The following CGGBP1 variants were observed in gnomAD, a reference collection of about 807,000 sequenced individuals.
CGGBP1 encodes the protein CGG triplet repeat binding protein 1, also known as CGG triplet repeat-binding protein 1.
Under a neutral mutation model 11.4 loss-of-function variants are expected in CGGBP1, and 4 were observed. The observed-to-expected ratio is 0.35, with a 90% CI of 0.17 to 0.80. CGGBP1 has a LOEUF of 0.80. Among genes scored for constraint, CGGBP1 ranks in the 30% least tolerant of loss-of-function variants. The pLI is 0.52. For missense variants in CGGBP1, 135 were observed against 202.1 expected, an observed-to-expected ratio of 0.67 and a Z score of 2.01; for synonymous variants, 76 against 74.1, an observed-to-expected ratio of 1.03 and a Z score of -0.13.
At chr3:88,145,274 G>A (rs1468186592) in intron 1 of CGGBP1, among the ~76,000 whole-genome samples, 1 of 152,038 alleles carries the variant, frequency 6.6e-6, no homozygotes, top group Non-Finnish European at 1.5e-5. Flanking sequence ...TGGAAAAAAT[G>A]GGGCTTTAAG....
At chr3:88,084,387 A>G (rs1472052612) in intron 2 of CGGBP1, among the ~76,000 whole-genome samples, 1 of 152,190 alleles carries the variant, frequency 6.6e-6, no homozygotes, top group East Asian at 1.9e-4. Flanking sequence ...AACCAGAGAA[A>G]GGCAATAAAG....
chr3:88,066,587 A>AC (rs200567944), intron 2 of CGGBP1, among the ~76,000 whole-genome samples: 180 of 151,386 alleles, frequency 1.2e-3, no homozygotes, highest in South Asian at 2.3e-3. Flanking sequence ...AACAAAAAAA[A>AC]CAAAAAAACC....
At chr3:88,089,081 A>T (rs528260662) in intron 2 of CGGBP1, among the ~76,000 whole-genome samples, 3 of 151,866 alleles carry the variant, frequency 2.0e-5, no homozygotes, top group Admixed American at 6.6e-5. Flanking sequence ...CCTAAAAAAA[A>T]CTGTATTAAA....
chr3:88,122,124 A>G (rs1321700121), intron 2 of CGGBP1, among the ~76,000 whole-genome samples: 3 of 152,158 alleles, frequency 2.0e-5, no homozygotes, highest in Admixed American at 2.0e-4. Context: ...TTATGGATTA[A>G]GGTAGCTAGT....
chr3:88,063,066 CAG>C (rs1280610010), upstream of CGGBP1, among the ~76,000 whole-genome samples: 1 of 152,148 alleles, frequency 6.6e-6, no homozygotes, highest in African/African-American at 2.4e-5. Flanking sequence ...GCGGGGTTCT[CAG>C]AGATTTTGTT....
intron 2 of CGGBP1, among the ~76,000 whole-genome samples, chr3:88,115,758 T>C (rs1705350858): frequency 6.6e-6 from 1 of 152,182 alleles, no homozygotes; most frequent in Non-Finnish European, 1.5e-5. Flanking sequence ...GCCTTTTACT[T>C]CCAGTAGTTT....
chr3:88,140,962 C>T (rs1242520322), intron 2 of CGGBP1: 1 of 1,613,400 alleles, frequency 6.2e-7, no homozygotes. Context: ...AAATGCCTGA[C>T]CACCTACTGT....
At chr3:88,143,776 C>T (rs1707235220) in intron 1 of CGGBP1, 1 of 152,016 alleles carries the variant, frequency 6.6e-6, no homozygotes, top group South Asian at 2.1e-4. Flanking sequence ...TTATATATAA[C>T]TAAATCAAGG....
In CGGBP1 at chr3:88,055,253, C is replaced by T; in HGVS notation, c.*220G>A. 2.5e-6 allele frequency: 1 copy of T among 402,392 alleles called. No individual in the cohort carries two copies. The highest frequency in any genetic ancestry group is 6.5e-4 in the Middle Eastern group (1 of 1,540). The allele number at this position is 402,392 out of a possible 1,614,324, so 24.9% of individuals were successfully genotyped here. On this transcript the variant is annotated 3_prime_UTR_variant, in exon 4 of 4. Coordinates refer to ENST00000482016, the MANE Select transcript of CGGBP1 (RefSeq NM_001008390.2). This position sits in a 1 kb window ranked among gnomAD's most constrained non-coding sequence, Gnocchi z 4.2. ...CCATCAGGTTTCAGGTATCCTAGCA[C>T]ACTCTAAACCTAGGTTTTGCTTTAT...
At chr3:88,136,550 G>C (rs1225682956) in intron 2 of CGGBP1, among the ~76,000 whole-genome samples, 2 of 152,152 alleles carry the variant, frequency 1.3e-5, no homozygotes, top group Non-Finnish European at 2.9e-5. Flanking sequence ...CATGAGGGTA[G>C]TACTAACATT....
chr3:88,096,982 C>G (rs1576266928), intron 2 of CGGBP1, among the ~76,000 whole-genome samples: 1 of 152,094 alleles, frequency 6.6e-6, no homozygotes, highest in East Asian at 1.9e-4. Context: ...ATACCTTTCC[C>G]CATCAGCATA....
intron 2 of CGGBP1, among the ~76,000 whole-genome samples, 176 bp from the exon 3 acceptor site, chr3:88,057,468 G>A (rs2735559): frequency 0.079 from 11,952 of 151,730 alleles, 525 homozygotes; most frequent in Non-Finnish European, 0.1. Context: ...TATACTTTAA[G>A]TAAATGGTAT....
At chr3:88,122,757 C>T (rs1281181360) in intron 2 of CGGBP1, among the ~76,000 whole-genome samples, 1 of 151,758 alleles carries the variant, frequency 6.6e-6, no homozygotes, top group Non-Finnish European at 1.5e-5. Flanking sequence ...TACCTGTAAT[C>T]CCAGCACTTT....
Position 88,058,912 on chromosome 3 carries a change from G to A in CGGBP1, c.-428C>T, listed in dbSNP as rs1706664949. The A allele has an allele frequency of 2.1e-5, 4 of 187,130 alleles. No homozygotes were observed. The East Asian group carries it at 4.9e-4, about 23-fold the overall frequency. 11.6% of individuals were successfully genotyped at this position (187,130 alleles called of 1,614,324 possible). A position where few individuals can be genotyped will look rare whatever the true frequency, so the allele number is the denominator to read the frequency against. ...GAGCAAGGGAATAAGGGAGGAGGAG[G>A]ATCCGTCGCTGCCGCCGTCGCCGCC... On this transcript the variant is annotated 5_prime_UTR_variant, in exon 1 of 4. Transcript: ENST00000482016.
intron 2 of CGGBP1, among the ~76,000 whole-genome samples, chr3:88,123,601 T>C (rs895632113): frequency 3.3e-5 from 5 of 152,142 alleles, no homozygotes; most frequent in African/African-American, 1.2e-4. Flanking sequence ...AATCTGTTTT[T>C]TAAAAAGAGC....
intron 2 of CGGBP1, among the ~76,000 whole-genome samples, chr3:88,081,361 C>T (rs112026473): frequency 0.01 from 1,567 of 152,098 alleles, 26 homozygotes; most frequent in African/African-American, 0.035. Context: ...TGATAAATGT[C>T]TTGGGGGAGA....
intron 1 of CGGBP1, among the ~76,000 whole-genome samples, chr3:88,144,902 G>C (rs974057098): frequency 1.3e-5 from 2 of 151,894 alleles, no homozygotes; most frequent in Non-Finnish European, 1.5e-5. Flanking sequence ...AATAAAAGTT[G>C]ACAGAATTCT....
upstream of CGGBP1, chr3:88,059,206 C>G (rs1334608533): frequency 5.5e-6 from 8 of 1,456,116 alleles, no homozygotes; most frequent in Non-Finnish European, 7.2e-6. Flanking sequence ...GGCCCCTGTC[C>G]GGCTAGGGAG....
intron 2 of CGGBP1, among the ~76,000 whole-genome samples, chr3:88,117,957 AC>A (rs1377513608): frequency 4.1e-5 from 6 of 146,340 alleles, no homozygotes; most frequent in Admixed American, 6.8e-5. Context: ...AAAAAAAAAA[AC>A]AACCAAGAAC....
Sources: allele counts gnomAD v4.1 joint callset (sites outside exome capture counted in the v4.1 genomes callset), GRCh38; gene constraint gnomAD v4.1.1; non-coding constraint Gnocchi (gnomAD v3.1); transcripts MANE v1.5; gene names NCBI Gene and HGNC (gene_info 2026-07-23, HGNC 2026-07-21).